Variants in RPS6KA3 observed in about 807,000 individuals in gnomAD.
RPS6KA3 encodes ribosomal protein S6 kinase A3.
RPS6KA3 carries 4 observed loss-of-function variants against 67.2 expected under a neutral mutation model. The ratio of observed to expected loss-of-function variants is 0.06; its 90% CI spans 0.03 to 0.14. RPS6KA3 has a LOEUF of 0.14. Among genes scored for constraint, RPS6KA3 ranks in the 10% least tolerant of loss-of-function variants. The pLI, the probability that RPS6KA3 is intolerant of heterozygous loss-of-function variation, is 1.00. For synonymous variants in RPS6KA3, 182 were observed against 183.7 expected, an observed-to-expected ratio of 0.99 and a Z score of 0.07; for missense variants, 204 against 559.0, an observed-to-expected ratio of 0.36 and a Z score of 6.40.
intron 2 of RPS6KA3, chrX:20,219,063 T>A (rs770713366): frequency 3.0e-6 from 1 of 336,596 alleles, no homozygotes; most frequent in African/African-American, 2.7e-5. Context: ...GCTGGATAGG[T>A]AGGGAGGCCA....
At chrX:20,170,839 C>G (rs1341093421) in intron 15 of RPS6KA3, among the ~76,000 whole-genome samples, 1 of 110,869 alleles carries the variant, frequency 9.0e-6, no homozygotes, top group Admixed American at 9.7e-5. Context: ...AGTACAGTGG[C>G]ACATAGCTCA....
At chrX:20,255,951 A>T (rs2070040996) in intron 1 of RPS6KA3, among the ~76,000 whole-genome samples, 1 of 104,402 alleles carries the variant, frequency 9.6e-6, no homozygotes, top group Admixed American at 1.0e-4. Context: ...TTCTACCAAA[A>T]ATACAAAAAT....
At chrX:20,172,140 G>C (rs1429132616) in intron 15 of RPS6KA3, among the ~76,000 whole-genome samples, 1 of 112,144 alleles carries the variant, frequency 8.9e-6, no homozygotes, top group Non-Finnish European at 1.9e-5. Flanking sequence ...GCTTGAGATT[G>C]GAGAGCAGAG....
rs769586269 is a variant in RPS6KA3 at position 20,188,490 on chromosome X, T to C, written c.631+7A>G. ...ATATTTTAATAAAACGAGGATTTTT[T>C]TTTTACCTGTTAACTTGATGTGACC... is the stretch of plus-strand genomic sequence containing the variant. On this transcript the variant is annotated splice_region_variant and intron_variant, in intron 8 of 21. Coordinates refer to ENST00000379565, the MANE Select transcript of RPS6KA3 (RefSeq NM_004586.3). The C allele has an allele frequency of 7.1e-6, 7 of 992,862 alleles. No individual in the cohort carries two copies. The highest frequency in any genetic ancestry group is 8.5e-6 in the Non-Finnish European group (6 of 704,357). 81.8% of individuals were successfully genotyped at this position (992,862 alleles called of 1,213,427 possible).
intron 1 of RPS6KA3, among the ~76,000 whole-genome samples, chrX:20,259,651 CT>C (rs1302813160): frequency 2.7e-5 from 3 of 111,318 alleles, no homozygotes; most frequent in Non-Finnish European, 5.7e-5. Flanking sequence ...CTGCAAAGCA[CT>C]TTGTGTCCAC....
intron 6 of RPS6KA3, among the ~76,000 whole-genome samples, chrX:20,193,956 T>C (rs1569222558): frequency 8.9e-6 from 1 of 112,552 alleles, no homozygotes; most frequent in African/African-American, 3.2e-5. Flanking sequence ...TTATTGCTTC[T>C]GGAAAAAACT....
At chrX:20,166,528 CT>C (rs1199036837) in intron 17 of RPS6KA3, among the ~76,000 whole-genome samples, 1 of 110,992 alleles carries the variant, frequency 9.0e-6, no homozygotes, top group African/African-American at 3.3e-5. Flanking sequence ...AAGAAGTAAT[CT>C]TTTATATATG....
At chrX:20,241,502 T>C (rs1445288516) in intron 1 of RPS6KA3, 2 of 103,127 alleles carry the variant, frequency 1.9e-5, no homozygotes, top group Admixed American at 1.0e-4. Flanking sequence ...AAATAATCTA[T>C]GAATAACAGA....
Position 20,227,448 on chromosome X carries a change from G to A in RPS6KA3, c.126+7310C>T, listed in dbSNP as rs753059176. ...CATTTTCACTAAGCATTTTAAAGGC[G>A]TTGCTCCTTGTTTTCTAACTTTTGA... On this transcript the variant is annotated intron_variant, in intron 2 of 21. Coordinates refer to ENST00000379565, the MANE Select transcript of RPS6KA3 (RefSeq NM_004586.3). Among the ~76,000 whole-genome samples the A allele has an allele frequency of 3.1e-3, 345 of 111,422 alleles. 4 individuals carry two copies. Among genetic ancestry groups the A allele is most frequent in the Non-Finnish European group, 5.1e-3 (269 of 53,071 alleles).
At chrX:20,171,608 T>C (rs2067576252) in intron 15 of RPS6KA3, among the ~76,000 whole-genome samples, 1 of 111,511 alleles carries the variant, frequency 9.0e-6, no homozygotes, top group African/African-American at 3.3e-5. Context: ...TTGGGATTGG[T>C]TTTATGAATC....
intron 11 of RPS6KA3, 120 bp from the exon 12 acceptor site, chrX:20,176,618 G>A: frequency 3.7e-6 from 2 of 535,324 alleles, no homozygotes; most frequent in South Asian, 6.0e-5. Context: ...TTGAGACAAG[G>A]GCTTGCTCTG....
chrX:20,215,427 C>T (rs1019421042), intron 2 of RPS6KA3, among the ~76,000 whole-genome samples: 1 of 111,576 alleles, frequency 9.0e-6, no homozygotes, highest in African/African-American at 3.3e-5. Flanking sequence ...TTGGCATTGG[C>T]TCAAGTTTCA....
At chrX:20,189,301 G>A (rs2068065662) in intron 7 of RPS6KA3, among the ~76,000 whole-genome samples, 1 of 112,198 alleles carries the variant, frequency 8.9e-6, no homozygotes, top group Non-Finnish European at 1.9e-5. Flanking sequence ...GTGTCTGGCA[G>A]TGTACAGTAC....
chrX:20,160,521 A>G (rs1046320428), intron 20 of RPS6KA3, among the ~76,000 whole-genome samples: 5 of 110,780 alleles, frequency 4.5e-5, no homozygotes, highest in African/African-American at 1.3e-4. Context: ...CCGCCTCCCT[A>G]GCTCAAGCAA....
chrX:20,187,874 C>T lies in RPS6KA3; in HGVS notation c.728G>A (p.Arg243Gln). 1 of 1,206,322 alleles carries T rather than the reference C, an allele frequency of 8.3e-7. No homozygotes were observed. The highest frequency in any genetic ancestry group is 1.7e-5 in the African/African-American group (1 of 57,538). ...CCAGTCAGCACTCTGAGTATGACCTCGACGATTAACTACTTCTGGAGCCAT... is the reference window on the plus strand; with the variant it reads ...CCAGTCAGCACTCTGAGTATGACCTTGACGATTAACTACTTCTGGAGCCAT... ...EYMAPEVVNR[R>Q]GHTQSADWWS... Residue 243 changes from arginine (R) to glutamine (Q), a missense_variant, in exon 9 of 22, where the codon CGA becomes CAA. By Grantham distance (43) the Arg-to-Gln change is conservative. Coordinates refer to ENST00000379565, the MANE Select transcript of RPS6KA3 (RefSeq NM_004586.3).
intron 2 of RPS6KA3, among the ~76,000 whole-genome samples, chrX:20,221,029 TC>T (rs1382943542): frequency 8.9e-6 from 1 of 112,304 alleles, no homozygotes; most frequent in East Asian, 2.8e-4. Flanking sequence ...ACATTACAAC[TC>T]ATCAATGAGC....
chrX:20,263,225 A>G (rs772859041), intron 1 of RPS6KA3, among the ~76,000 whole-genome samples: 10 of 111,788 alleles, frequency 8.9e-5, no homozygotes, highest in Non-Finnish European at 1.9e-4. Context: ...ACTCTATTGC[A>G]GTGGAGAAAA....
chrX:20,166,037 A>G (rs1180057766), intron 17 of RPS6KA3, among the ~76,000 whole-genome samples: 2 of 112,461 alleles, frequency 1.8e-5, no homozygotes, highest in Non-Finnish European at 3.8e-5. Context: ...GTAACAATAT[A>G]CTGTAATAAA....
intron 17 of RPS6KA3, among the ~76,000 whole-genome samples, chrX:20,166,782 A>T (rs1377341420): frequency 3.1e-5 from 3 of 97,781 alleles, no homozygotes; most frequent in African/African-American, 1.2e-4. Context: ...CAGTGGTGCA[A>T]TTTCAACTCA....
Sources: allele counts gnomAD v4.1 joint callset (sites outside exome capture counted in the v4.1 genomes callset), GRCh38; gene constraint gnomAD v4.1.1; transcripts MANE v1.5; gene names NCBI Gene and HGNC (gene_info 2026-07-23, HGNC 2026-07-21).